HMGCLL1: variants seen among roughly 807,000 people sequenced by gnomAD.
HMGCLL1 encodes the protein 3-hydroxymethyl-3-methylglutaryl-CoA lyase, cytoplasmic.
A neutral mutation model predicts 39.1 loss-of-function variants in HMGCLL1; 36 were observed. That is an observed-to-expected ratio of 0.92 (90% CI 0.71 to 1.22). HMGCLL1 has a LOEUF of 1.22. Ranked by LOEUF, HMGCLL1 falls within the 50% of genes most tolerant of loss-of-function variation. The pLI, the probability that HMGCLL1 is intolerant of heterozygous loss-of-function variation, is 0.00. For missense variants in HMGCLL1, 451 were observed against 416.5 expected (o/e 1.08, Z -0.72); for synonymous variants, 149 against 144.0 (o/e 1.03, Z -0.25).
chr6:55,590,020 A>T, the HMGCLL1 span, among the ~76,000 whole-genome samples: 1 of 152,146 alleles, frequency 6.6e-6, no homozygotes, highest in African/African-American at 2.4e-5. Flanking sequence ...TCAAGCTACC[A>T]ATGACTTTCT....
At chr6:55,635,153 A>AG in the HMGCLL1 span, among the ~76,000 whole-genome samples, 6 of 152,244 alleles carry the variant, frequency 3.9e-5, no homozygotes, top group African/African-American at 1.4e-4. Context: ...AGTAACTTAC[A>AG]GAAAAAAAAA....
intron 7 of HMGCLL1, among the ~76,000 whole-genome samples, chr6:55,446,319 A>G (rs1763839034): frequency 6.7e-6 from 1 of 148,340 alleles, no homozygotes; most frequent in Non-Finnish European, 1.5e-5. Flanking sequence ...ATATAAATAT[A>G]TTTTTATATA....
At chr6:55,674,713 G>T in the HMGCLL1 span, among the ~76,000 whole-genome samples, 1 of 152,034 alleles carries the variant, frequency 6.6e-6, no homozygotes, top group East Asian at 1.9e-4. Flanking sequence ...AGTTAGCAAG[G>T]GTAATAGGAC....
intron 8 of HMGCLL1, among the ~76,000 whole-genome samples, chr6:55,436,914 T>G (rs1021930872): frequency 2.6e-5 from 4 of 152,044 alleles, no homozygotes; most frequent in Admixed American, 1.3e-4. Context: ...AAGTTGGTTT[T>G]GTCGTGGTAA....
the HMGCLL1 span, among the ~76,000 whole-genome samples, chr6:55,631,233 A>G: frequency 6.5e-3 from 994 of 152,130 alleles, 17 homozygotes; most frequent in African/African-American, 0.022. Flanking sequence ...TTTAAGGCCA[A>G]TAACTCTTCG....
the HMGCLL1 span, among the ~76,000 whole-genome samples, chr6:55,644,912 T>A: frequency 6.6e-6 from 1 of 152,034 alleles, no homozygotes; most frequent in Admixed American, 6.6e-5. Context: ...TGTTTTAACA[T>A]TGGTTTTCAT....
In HMGCLL1 at chr6:55,518,680, A is replaced by G. The variant is rs914643382; in HGVS notation, c.298-2077T>C. Among the ~76,000 whole-genome samples the G allele has an allele frequency of 2.6e-5, 4 of 152,140 alleles. 1 individual carries two copies. Among genetic ancestry groups the G allele is most frequent in the Middle Eastern group, 6.3e-3 (2 of 316 alleles). ...AAATTAGCCTACGCAAAGAGGCCAC[A>G]TAAGGAGACCCTCTTGGAGAACCCA... is the stretch of plus-strand genomic sequence containing the variant. On this transcript the variant is annotated intron_variant, in intron 3 of 8. Transcript: ENST00000274901.
chr6:55,632,294 G>A, the HMGCLL1 span, among the ~76,000 whole-genome samples: 2 of 151,662 alleles, frequency 1.3e-5, no homozygotes, highest in Non-Finnish European at 2.9e-5. Flanking sequence ...TACATCTAAG[G>A]ATTCTTATAA....
the HMGCLL1 span, among the ~76,000 whole-genome samples, chr6:55,654,846 A>G: frequency 6.6e-6 from 1 of 151,720 alleles, no homozygotes; most frequent in East Asian, 2.0e-4. Context: ...TTCACCTTAG[A>G]CTCTGTAGTT....
chr6:55,651,554 G>C, the HMGCLL1 span, among the ~76,000 whole-genome samples: 48 of 152,132 alleles, frequency 3.2e-4, no homozygotes, highest in Non-Finnish European at 5.4e-4. Context: ...TGGGGTTGGC[G>C]GGGGAATGGC....
chr6:55,473,057 A>G (rs1199466670), intron 7 of HMGCLL1, among the ~76,000 whole-genome samples: 1 of 151,224 alleles, frequency 6.6e-6, no homozygotes, highest in African/African-American at 2.4e-5. Context: ...TAATATTGCT[A>G]CCCCAGCTTT....
chr6:55,485,303 G>C (rs1765965426), intron 7 of HMGCLL1, among the ~76,000 whole-genome samples: 1 of 151,680 alleles, frequency 6.6e-6, no homozygotes, highest in Non-Finnish European at 1.5e-5. Flanking sequence ...TTCTATATTA[G>C]GCGTGTGTGT....
the HMGCLL1 span, among the ~76,000 whole-genome samples, chr6:55,628,547 G>T: frequency 1.3e-5 from 2 of 151,670 alleles, no homozygotes; most frequent in African/African-American, 4.8e-5. Context: ...CAGGTGATCT[G>T]CCCACCTCGG....
the HMGCLL1 span, among the ~76,000 whole-genome samples, chr6:55,656,255 T>C: frequency 6.6e-6 from 1 of 151,996 alleles, no homozygotes; most frequent in Admixed American, 6.6e-5. Context: ...CATACCCTCC[T>C]CCTAACCTAA....
intron 1 of HMGCLL1, among the ~76,000 whole-genome samples, chr6:55,549,373 AGTGT>A (rs70986732): frequency 0.041 from 5,979 of 145,494 alleles, 170 homozygotes; most frequent in Non-Finnish European, 0.059. Flanking sequence ...CAAATACAGA[AGTGT>A]GTGTGTGTGT....
At chr6:55,460,562 A>G (rs1764514556) in intron 7 of HMGCLL1, among the ~76,000 whole-genome samples, 1 of 151,968 alleles carries the variant, frequency 6.6e-6, no homozygotes, top group South Asian at 2.1e-4. Context: ...CTTCTCATAA[A>G]TCACAATTCT....
At chr6:55,658,172 T>G in the HMGCLL1 span, among the ~76,000 whole-genome samples, 1 of 152,064 alleles carries the variant, frequency 6.6e-6, no homozygotes, top group South Asian at 2.1e-4. Context: ...TTGACAAGAC[T>G]TGAGAATAGA....
At chr6:55,556,621 G>C (rs1770686326) in intron 1 of HMGCLL1, among the ~76,000 whole-genome samples, 1 of 152,166 alleles carries the variant, frequency 6.6e-6, no homozygotes, top group African/African-American at 2.4e-5. Flanking sequence ...GGAGCAGGGG[G>C]ATGATATGAT....
chr6:55,495,483 G>A lies in HMGCLL1; in HGVS notation c.731C>T (p.Ala244Val). The stretch of plus-strand genomic sequence containing the variant: ...TGTGTCATGACAGTGAACAGCAAGA[G>A]CACCTGGTGGGATTTCTTTCATCAC... Reference protein sequence around the residue: ...ESVMKEIPPGALAVHCHDTYG... With the variant: ...ESVMKEIPPGVLAVHCHDTYG... Residue 244 changes from alanine to valine, a missense_variant, in exon 7 of 9, where the codon GCT becomes GTT. Ala to Val is a moderately conservative substitution (Grantham distance 64). Transcript: ENST00000274901. The A allele has an allele frequency of 6.2e-7, 1 of 1,614,068 alleles. No individual in the cohort carries two copies. The highest frequency in any genetic ancestry group is 8.5e-7 in the Non-Finnish European group (1 of 1,179,952).
Sources: allele counts gnomAD v4.1 joint callset (sites outside exome capture counted in the v4.1 genomes callset), GRCh38; gene constraint gnomAD v4.1.1; transcripts MANE v1.5; gene names NCBI Gene and HGNC (gene_info 2026-07-23, HGNC 2026-07-21).